PLXNB1: variants seen among roughly 807,000 people sequenced by gnomAD.
PLXNB1 encodes plexin-B1.
Under a neutral mutation model 209.4 loss-of-function variants are expected in PLXNB1, and 106 were observed. The ratio of observed to expected loss-of-function variants is 0.51; its 90% CI spans 0.43 to 0.59. The LOEUF (loss-of-function observed/expected upper bound fraction) is 0.59. Ranked by LOEUF, PLXNB1 falls within the 20% of genes least tolerant of loss-of-function variation. The probability of loss-of-function intolerance (pLI) is 0.00; values close to 1 mark genes in which losing one functional copy is unlikely to be tolerated. For synonymous variants in PLXNB1, 1,167 were observed against 1,183.2 expected, an observed-to-expected ratio of 0.99 and a Z score of 0.28; for missense variants, 2,357 against 2,853.2, an observed-to-expected ratio of 0.83 and a Z score of 3.96.
chr3:48,415,723 C>A lies in PLXNB1; in HGVS notation c.3654G>T (p.Glu1218Asp), dbSNP rs1223139477. The A allele has an allele frequency of 4.5e-6, 7 of 1,551,812 alleles. No individual in the cohort carries two copies. The Admixed American group carries it at 1.4e-4, about 30-fold the overall frequency. ...PEQQSEQLRC[E>D]TSPRPTPATL... Reference sequence around the variant, plus strand: ...TGGCAGGCGTGGGGCGTGGGCTGGTCTCACACCGCAGTTGTTCTGACTGCT... The same window carrying A: ...TGGCAGGCGTGGGGCGTGGGCTGGTATCACACCGCAGTTGTTCTGACTGCT... The change falls in exon 19 of 38, where the codon GAG (glutamate) becomes GAT (aspartate). Residue 1218 changes from glutamate (E) to aspartate (D), a missense_variant. Around this residue, in one of 7 missense-constraint regions of PLXNB1, gnomAD observed 743 missense variants for 896.2 expected, o/e 0.83. Transcript: ENST00000296440. The surrounding 1 kb of genome is among the most constrained non-coding windows in gnomAD (Gnocchi z 5.0).
Position 48,419,230 on chromosome 3 carries a change from C to A in PLXNB1, c.2832+14G>T, listed in dbSNP as rs766582507. 2 of 1,553,878 alleles carry A rather than the reference C, an allele frequency of 1.3e-6. No homozygotes were observed. Among genetic ancestry groups the A allele is most frequent in the East Asian group, 2.3e-5 (1 of 44,208 alleles). On this transcript the variant is annotated intron_variant, in intron 12 of 37. Transcript: ENST00000296440. The surrounding 1 kb of genome is among the most constrained non-coding windows in gnomAD (Gnocchi z 5.7). Reference sequence around the variant, plus strand: ...AGGAGGCTGCAAGGACAGCGGCAGGCAGGACACACTGACCTGGAAAAGGTG... The same window carrying A: ...AGGAGGCTGCAAGGACAGCGGCAGGAAGGACACACTGACCTGGAAAAGGTG...
chr3:48,405,821 G>A lies in PLXNB1; in HGVS notation c.6229-23C>T. On this transcript the variant is annotated intron_variant, in intron 36 of 37. Coordinates refer to ENST00000296440, the MANE Select transcript of PLXNB1 (RefSeq NM_001130082.3). This position sits in a 1 kb window ranked among gnomAD's most constrained non-coding sequence, Gnocchi z 5.0. ...GTTCTAGGGAAGAGGCCAAATGAAA[G>A]GTGAGAGAGACGAGGGGTGCAGAGA... 1.2e-6 allele frequency: 2 copies of A among 1,605,166 alleles called. No homozygotes were observed. Among genetic ancestry groups the A allele is most frequent in the South Asian group, 1.1e-5 (1 of 90,840 alleles).
chr3:48,417,788 G>T lies in PLXNB1; in HGVS notation c.3374+123C>A. ...GCAACGCTGGCACTCGGGCATTGTG[G>T]CCAGGATCAAGGAACAGGGAGAGAG... On this transcript the variant is annotated intron_variant, in intron 16 of 37. Coordinates refer to ENST00000296440, the MANE Select transcript of PLXNB1 (RefSeq NM_001130082.3). This position sits in a 1 kb window ranked among gnomAD's most constrained non-coding sequence, Gnocchi z 4.4. The T allele has an allele frequency of 1.8e-6, 2 of 1,099,578 alleles. No homozygotes were observed. The highest frequency in any genetic ancestry group is 2.6e-6 in the Non-Finnish European group (2 of 763,130). The allele number at this position is 1,099,578 out of a possible 1,614,324, so 68.1% of individuals were successfully genotyped here. A position where few individuals can be genotyped will look rare whatever the true frequency, so the allele number is the denominator to read the frequency against.
Position 48,415,220 on chromosome 3 carries a change from G to A in PLXNB1, c.3922C>T (p.Pro1308Ser). The A allele has an allele frequency of 6.2e-7, 1 of 1,613,466 alleles. No individual in the cohort carries two copies. The highest frequency in any genetic ancestry group is 1.3e-5 in the African/African-American group (1 of 75,022). ...GGTCCAAGGGAACATGCCGTCTCCGGGACCACGCGACGCCTCCGTCCAAGC... is the reference window on the plus strand; with the variant it reads ...GGTCCAAGGGAACATGCCGTCTCCGAGACCACGCGACGCCTCCGTCCAAGC... The part of the protein sequence containing the change: ...QGLGRRRRVV[P>S]ETACSLGPSC... The change falls in exon 20 of 38, where the codon CCG becomes TCG. Residue 1308 changes from proline (P) to serine (S), a missense_variant. By Grantham distance (74) the Pro-to-Ser change is moderately conservative. Around this residue, in one of 7 missense-constraint regions of PLXNB1, gnomAD observed 743 missense variants for 896.2 expected, o/e 0.83. Transcript: ENST00000296440. The surrounding 1 kb of genome is among the most constrained non-coding windows in gnomAD (Gnocchi z 5.0).
Position 48,420,121 on chromosome 3 carries a change from G to T in PLXNB1, c.2165C>A (p.Ser722Ter). 1.9e-6 allele frequency: 3 copies of T among 1,605,656 alleles called. No individual in the cohort carries two copies. Among genetic ancestry groups the T allele is most frequent in the Non-Finnish European group, 2.6e-6 (3 of 1,175,466 alleles). The change falls in exon 11 of 38, where the codon TCG becomes TAG. Residue 722 changes from serine to a stop codon, truncating the protein, a stop_gained. Transcript: ENST00000296440. LOFTEE classifies it high-confidence loss of function. ...AGGACTAGCCCCAGGTGAGATGTCC[G>T]AAGCTGTGGCTGTGGAGGGAGCCCC... ...EPGAPSTATA[S>*]DISPGASPSL...
Position 48,423,745 on chromosome 3 carries a change from A to T in PLXNB1, c.867T>A (p.His289Gln), listed in dbSNP as rs746250691. ...AGAAAGCTGCAAAGAGCACCTCCCC[A>T]TGCGCCACCTCCCTGGACGTGGCCA... ...AAVATSREVAHGEVLFAAFSS... is the reference protein window; with the variant it reads ...AAVATSREVAQGEVLFAAFSS... The change falls in exon 3 of 38, where the codon CAT becomes CAA. Residue 289 changes from histidine (H) to glutamine (Q), a missense_variant. This residue lies in a region of PLXNB1 where 404 missense variants were observed against 443.6 expected (regional missense o/e 0.91). Transcript: ENST00000296440. 1.9e-6 allele frequency: 3 copies of T among 1,613,704 alleles called. No individual in the cohort carries two copies. In the African/African-American group the frequency reaches 4.0e-5, roughly 22 times the overall value.
intron 21 of PLXNB1, among the ~76,000 whole-genome samples, chr3:48,414,470 GC>G (rs2037932455): frequency 6.6e-6 from 1 of 152,202 alleles, no homozygotes; most frequent in African/African-American, 2.4e-5. Context: ...GTCCATGTGA[GC>G]CAGGCTGCCA....
chr3:48,423,142 C>T (rs1368877124), intron 3 of PLXNB1, among the ~76,000 whole-genome samples, 195 bp from the exon 4 acceptor site: 4 of 152,108 alleles, frequency 2.6e-5, no homozygotes, highest in African/African-American at 9.7e-5. Flanking sequence ...CATCCTGAGG[C>T]TACAGCTCAT....
chr3:48,412,089 A>T, intron 27 of PLXNB1, 80 bp from the exon 28 acceptor site: 1 of 1,541,478 alleles, frequency 6.5e-7, no homozygotes, highest in Admixed American at 1.7e-5. Context: ...GGAAGGGGAC[A>T]GGACATGGGC....
intron 7 of PLXNB1, 129 bp from the exon 8 acceptor site, chr3:48,421,513 G>T: frequency 8.1e-7 from 1 of 1,233,894 alleles, no homozygotes; most frequent in Non-Finnish European, 1.1e-6. Context: ...ACACCCTCTG[G>T]CCTGAGTTAG....
chr3:48,413,216 C>A lies in PLXNB1; in HGVS notation c.4536-47G>T, dbSNP rs1188553282. 6.9e-7 allele frequency: 1 copy of A among 1,452,628 alleles called. No homozygotes were observed. The highest frequency in any genetic ancestry group is 1.4e-5 in the African/African-American group (1 of 72,082). The allele number at this position is 1,452,628 out of a possible 1,614,324, so 90.0% of individuals were successfully genotyped here. A position where few individuals can be genotyped will look rare whatever the true frequency, so the allele number is the denominator to read the frequency against. On this transcript the variant is annotated intron_variant, in intron 23 of 37. Transcript: ENST00000296440. The surrounding 1 kb of genome is among the most constrained non-coding windows in gnomAD (Gnocchi z 5.4). Reference sequence around the variant, plus strand: ...AGAGGATGGCCAGATGAGTCCTACTCGCCCAGGCCTGCCTGACAATCCCCA... The same window carrying A: ...AGAGGATGGCCAGATGAGTCCTACTAGCCCAGGCCTGCCTGACAATCCCCA...
chr3:48,410,157 G>A lies in PLXNB1; in HGVS notation c.5606-80C>T, dbSNP rs766376688. The A allele has an allele frequency of 3.3e-5, 49 of 1,492,982 alleles. No individual in the cohort carries two copies. Among genetic ancestry groups the A allele is most frequent in the Non-Finnish European group, 4.4e-5 (49 of 1,107,164 alleles). The allele number at this position is 1,492,982 out of a possible 1,614,324, so 92.5% of individuals were successfully genotyped here. A position where few individuals can be genotyped will look rare whatever the true frequency, so the allele number is the denominator to read the frequency against. On this transcript the variant is annotated intron_variant, in intron 31 of 37. Transcript: ENST00000296440. The surrounding 1 kb of genome is among the most constrained non-coding windows in gnomAD (Gnocchi z 6.4). ...CCCTGTTTCTTGCCAGCTCTCCCAG[G>A]GGTGGGGGCACCTGGTTGAGGGATT...
chr3:48,406,700 C>T lies in PLXNB1; in HGVS notation c.6228+123G>A. 1 of 1,448,788 alleles carries T rather than the reference C, an allele frequency of 6.9e-7. No individual in the cohort carries two copies. Among genetic ancestry groups the T allele is most frequent in the Admixed American group, 2.7e-5 (1 of 37,030 alleles). 89.7% of individuals were successfully genotyped at this position (1,448,788 alleles called of 1,614,324 possible). On this transcript the variant is annotated intron_variant, in intron 36 of 37. Coordinates refer to ENST00000296440, the MANE Select transcript of PLXNB1 (RefSeq NM_001130082.3). This position sits in a 1 kb window ranked among gnomAD's most constrained non-coding sequence, Gnocchi z 4.4. The stretch of plus-strand genomic sequence containing the variant: ...ACATTCTGCATTTATGTTTCCTGCC[C>T]CAACCAGCTCACAGGGCTGCTGAGG...
In PLXNB1 at chr3:48,409,454, T is replaced by C; in HGVS notation, c.5962A>G (p.Asn1988Asp). The change falls in exon 34 of 38, where the codon AAT becomes GAT. Residue 1988 changes from asparagine (N) to aspartate (D), a missense_variant. Asn to Asp is a conservative substitution (Grantham distance 23, BLOSUM62 1). Transcript: ENST00000296440. This position sits in a 1 kb window ranked among gnomAD's most constrained non-coding sequence, Gnocchi z 5.8. ...ACAAACTGCGGGTTTTTTATTATAT[T>C]GATCCAGAACCTCAGAGGCAAGCTG... ...TNSLPLRFWI[N>D]IIKNPQFVFD... The C allele has an allele frequency of 1.2e-6, 2 of 1,614,126 alleles. No individual in the cohort carries two copies. Among genetic ancestry groups the C allele is most frequent in the Non-Finnish European group, 1.7e-6 (2 of 1,180,026 alleles).
chr3:48,418,687 C>G lies in PLXNB1; in HGVS notation c.2956-145G>C. ...TGGGGCCACAAGTTGGAGGGCAGAG[C>G]CAGAAATGGAGTATGGGGACCCCAT... On this transcript the variant is annotated intron_variant, in intron 13 of 37. Coordinates refer to ENST00000296440, the MANE Select transcript of PLXNB1 (RefSeq NM_001130082.3). This position sits in a 1 kb window ranked among gnomAD's most constrained non-coding sequence, Gnocchi z 6.6. 1.1e-6 allele frequency: 1 copy of G among 874,770 alleles called. No homozygotes were observed. The highest frequency in any genetic ancestry group is 2.6e-5 in the East Asian group (1 of 37,740). The allele number at this position is 874,770 out of a possible 1,614,324, so 54.2% of individuals were successfully genotyped here.
At chr3:48,427,396 G>A (rs2038950619) in intron 1 of PLXNB1, among the ~76,000 whole-genome samples, 1 of 152,126 alleles carries the variant, frequency 6.6e-6, no homozygotes, top group African/African-American at 2.4e-5. Flanking sequence ...AGGACAGAAA[G>A]AAGAGCAGTG....
At position 48,424,048 on chromosome 3, in the gene PLXNB1, G is replaced by A. The variant is rs746142646; in HGVS notation, c.564C>T (p.Ala188=). 1.3e-6 allele frequency: 2 copies of A among 1,595,304 alleles called. No homozygotes were observed. The highest frequency in any genetic ancestry group is 3.5e-5 in the Admixed American group (2 of 57,346). The change falls in exon 3 of 38, where the codon GCC becomes GCT. Residue 188 remains alanine, a synonymous_variant. Coordinates refer to ENST00000296440, the MANE Select transcript of PLXNB1 (RefSeq NM_001130082.3). ...CAGCTTGGGGGTCGGGCGGCCACAG[G>A]GCCCGGGTTGTGATGGGTGGAATGC... ...GGGIPPITTR[A]LWPPDPQAAF...
Position 48,421,664 on chromosome 3 carries a change from G to C in PLXNB1, c.1653+10C>G, listed in dbSNP as rs750176493. On this transcript the variant is annotated intron_variant, in intron 7 of 37. Transcript: ENST00000296440. ...CTCCCCACCAGGGCCCTGCCTATCTGATCATTCACCTCCCTCGTCTCCTCT... is the reference window on the plus strand; with the variant it reads ...CTCCCCACCAGGGCCCTGCCTATCTCATCATTCACCTCCCTCGTCTCCTCT... 6.3e-7 allele frequency: 1 copy of C among 1,590,868 alleles called. No homozygotes were observed. Among genetic ancestry groups the C allele is most frequent in the Admixed American group, 1.7e-5 (1 of 59,416 alleles).
rs781649668 is a variant in PLXNB1, at chr3:48,410,582, G to T, written c.5417-24C>A. On this transcript the variant is annotated intron_variant, in intron 29 of 37. Transcript: ENST00000296440. The surrounding 1 kb of genome is among the most constrained non-coding windows in gnomAD (Gnocchi z 6.4). The stretch of plus-strand genomic sequence containing the variant: ...CTCTGCAAGGGCAAGGCAGAACTGG[G>T]TGCAGGGCTGGAAGATACCCTTCCC... 1 of 1,586,326 alleles carries T rather than the reference G, an allele frequency of 6.3e-7. No individual in the cohort carries two copies.
Sources: gnomAD v4.1 joint callset for allele counts (sites outside exome capture counted in the v4.1 genomes callset) on GRCh38, gnomAD v4.1.1 for gene constraint, gnomAD v4.1.1 regional missense constraint, Gnocchi (gnomAD v3.1) non-coding constraint, MANE v1.5 for transcripts, NCBI Gene and HGNC (gene_info 2026-07-23, HGNC 2026-07-21) for gene names.